ETHE1: variants seen among roughly 807,000 people sequenced by gnomAD.
ETHE1 encodes ETHE1 persulfide dioxygenase.
Under a neutral mutation model 25.7 loss-of-function variants are expected in ETHE1, and 16 were observed. The observed-to-expected ratio is 0.62, with a 90% CI of 0.42 to 0.95. The LOEUF is 0.95. ETHE1 is among the 40% of genes least tolerant of loss of function. The pLI, the probability that ETHE1 is intolerant of heterozygous loss-of-function variation, is 0.00. For synonymous variants in ETHE1, 139 were observed against 135.9 expected, an observed-to-expected ratio of 1.02 and a Z score of -0.16; for missense variants, 300 against 333.6, an observed-to-expected ratio of 0.90 and a Z score of 0.79.
intron 3 of ETHE1, among the ~76,000 whole-genome samples, chr19:43,512,154 G>A (rs1305648568): frequency 6.6e-6 from 1 of 152,216 alleles, no homozygotes; most frequent in African/African-American, 2.4e-5. Flanking sequence ...TCTTAGGGAT[G>A]TCTTTATTAG....
chr19:43,516,776 T>A (rs1336686698), intron 3 of ETHE1, among the ~76,000 whole-genome samples: 2 of 151,752 alleles, frequency 1.3e-5, no homozygotes, highest in African/African-American at 4.8e-5. Context: ...CAGGCACGCA[T>A]CACTGTGTCT....
In ETHE1 at chr19:43,506,814, A is replaced by C. The variant is rs749242752; in HGVS notation, c.*36T>G. The C allele has an allele frequency of 1.3e-6, 2 of 1,589,496 alleles. No individual in the cohort carries two copies. Among genetic ancestry groups the C allele is most frequent in the East Asian group, 2.2e-5 (1 of 44,760 alleles). On this transcript the variant is annotated 3_prime_UTR_variant, in exon 7 of 7. Transcript: ENST00000292147. ...GCCGCCCTCTCCTCCCACCTAGTGC[A>C]TTAATAGTGGATGGGAGCATCTGAC...
At chr19:43,522,882 A>G (rs566657985) in intron 3 of ETHE1, among the ~76,000 whole-genome samples, 6 of 152,242 alleles carry the variant, frequency 3.9e-5, no homozygotes, top group South Asian at 2.1e-4. Flanking sequence ...AGAGCTGAGT[A>G]GCTGTCACAG....
intron 3 of ETHE1, among the ~76,000 whole-genome samples, chr19:43,522,706 C>T (rs1213230887): frequency 6.6e-6 from 1 of 152,120 alleles, no homozygotes; most frequent in South Asian, 2.1e-4. Flanking sequence ...GTCTCGAACT[C>T]CTGACCTCAG....
intron 3 of ETHE1, among the ~76,000 whole-genome samples, chr19:43,521,482 G>A (rs1297290267): frequency 1.3e-5 from 2 of 152,012 alleles, no homozygotes; most frequent in Non-Finnish European, 2.9e-5. Context: ...ACCTAGAAGG[G>A]GAACCTCTGG....
At chr19:43,522,029 A>G (rs1972147414) in intron 3 of ETHE1, among the ~76,000 whole-genome samples, 1 of 152,130 alleles carries the variant, frequency 6.6e-6, no homozygotes, top group Non-Finnish European at 1.5e-5. Context: ...TTTGTAGGGC[A>G]AAAATTATGG....
intron 3 of ETHE1, among the ~76,000 whole-genome samples, chr19:43,525,251 A>G (rs1328188104): frequency 6.6e-6 from 1 of 152,158 alleles, no homozygotes; most frequent in Non-Finnish European, 1.5e-5. Context: ...ATGTACATAC[A>G]TGTACAATGC....
chr19:43,526,103 T>TC, intron 3 of ETHE1, 98 bp downstream of exon 3: 1 of 1,580,462 alleles, frequency 6.3e-7, no homozygotes. Context: ...AGGTCCCTCC[T>TC]CCCCAAGGAC....
intron 3 of ETHE1, among the ~76,000 whole-genome samples, chr19:43,518,203 C>T (rs1027275993): frequency 9.2e-5 from 14 of 151,716 alleles, no homozygotes; most frequent in Admixed American, 5.3e-4. Flanking sequence ...ACACTAAGCT[C>T]AATTGTATCC....
intron 3 of ETHE1, among the ~76,000 whole-genome samples, chr19:43,520,535 T>TACAAAAAAC (rs1369133860): frequency 6.6e-6 from 1 of 151,968 alleles, no homozygotes; most frequent in East Asian, 1.9e-4. Flanking sequence ...ACTCTGTCTT[T>TACAAAAAAC]ACAAAAAACA....
Position 43,527,132 on chromosome 19 carries a change from G to C in ETHE1, c.46C>G (p.Arg16Gly). The change falls in exon 1 of 7, where the codon CGC becomes GGC. Residue 16 changes from arginine (R) to glycine (G), a missense_variant. Coordinates refer to ENST00000292147, the MANE Select transcript of ETHE1 (RefSeq NM_014297.5). Reference sequence around the variant, plus strand: ...AGGATGGGGGCTCCAGACCCGCCGCGCTGGCTCAGCTGCCGCCGGGCGACC... The same window carrying C: ...AGGATGGGGGCTCCAGACCCGCCGCCCTGGCTCAGCTGCCGCCGGGCGACC... ...LRVARRQLSQRGGSGAPILLR... is the reference protein window; with the variant it reads ...LRVARRQLSQGGGSGAPILLR... 1 of 1,552,944 alleles carries C rather than the reference G, an allele frequency of 6.4e-7. No individual in the cohort carries two copies. The highest frequency in any genetic ancestry group is 8.7e-7 in the Non-Finnish European group (1 of 1,152,726).
intron 4 of ETHE1, among the ~76,000 whole-genome samples, chr19:43,510,590 C>A (rs1971893038): frequency 1.3e-5 from 2 of 151,906 alleles, no homozygotes; most frequent in Non-Finnish European, 2.9e-5. Flanking sequence ...GCCTCGGCCT[C>A]CCAAAGTGCT....
chr19:43,510,763 G>A (rs185435656), intron 4 of ETHE1, among the ~76,000 whole-genome samples: 11 of 151,936 alleles, frequency 7.2e-5, no homozygotes, highest in African/African-American at 2.4e-4. Context: ...CTAAGCCCCT[G>A]AATCTAACTC....
At chr19:43,519,603 CAT>C (rs1277156058) in intron 3 of ETHE1, among the ~76,000 whole-genome samples, 2 of 152,156 alleles carry the variant, frequency 1.3e-5, no homozygotes, top group South Asian at 2.1e-4. Flanking sequence ...ATCAAAGAAA[CAT>C]AACCCAGAAG....
At chr19:43,526,019 C>T in intron 3 of ETHE1, 182 bp downstream of exon 3, 1 of 809,510 alleles carries the variant, frequency 1.2e-6, no homozygotes, top group Admixed American at 2.5e-5. Flanking sequence ...AGCCTCTTGC[C>T]CCAGTGCCCC....
At chr19:43,520,561 AG>A (rs1227018904) in intron 3 of ETHE1, among the ~76,000 whole-genome samples, 1 of 152,016 alleles carries the variant, frequency 6.6e-6, no homozygotes, top group Non-Finnish European at 1.5e-5. Flanking sequence ...ACTAGCCAGG[AG>A]TGGTGGTGCA....
Position 43,511,579 on chromosome 19 carries a change from G to T in ETHE1, c.376-13C>A. Reference sequence around the variant, plus strand: ...TGGTCTCCAACGCCTGGCAGGGGTGGAAGAGTACAGAGATAGTCACCAAGA... The same window carrying T: ...TGGTCTCCAACGCCTGGCAGGGGTGTAAGAGTACAGAGATAGTCACCAAGA... On this transcript the variant is annotated splice_polypyrimidine_tract_variant and intron_variant, in intron 3 of 6. Transcript: ENST00000292147. The T allele has an allele frequency of 6.8e-6, 11 of 1,611,648 alleles. No individual in the cohort carries two copies. Among genetic ancestry groups the T allele is most frequent in the Non-Finnish European group, 9.3e-6 (11 of 1,179,956 alleles).
intron 5 of ETHE1, 52 bp downstream of exon 5, chr19:43,508,723 A>T: frequency 7.3e-7 from 1 of 1,369,864 alleles, no homozygotes; most frequent in Non-Finnish European, 1.0e-6. Flanking sequence ...AGAGATTTAC[A>T]CTCCACTTTC....
intron 4 of ETHE1, among the ~76,000 whole-genome samples, chr19:43,510,886 G>A (rs1971901462): frequency 6.6e-6 from 1 of 152,082 alleles, no homozygotes; most frequent in Non-Finnish European, 1.5e-5. Context: ...AGCTTCATCT[G>A]TAGTTACAGC....
Sources: gnomAD v4.1 joint callset for allele counts (sites outside exome capture counted in the v4.1 genomes callset) on GRCh38, gnomAD v4.1.1 for gene constraint, MANE v1.5 for transcripts, NCBI Gene and HGNC (gene_info 2026-07-23, HGNC 2026-07-21) for gene names.